Variants in STAU1 observed in about 807,000 individuals in gnomAD.
STAU1 encodes the protein double-stranded RNA-binding protein Staufen homolog 1.
STAU1 carries 13 observed loss-of-function variants against 62.9 expected under a neutral mutation model. The ratio of observed to expected loss-of-function variants is 0.21; its 90% CI spans 0.13 to 0.33. The LOEUF is 0.33. Among genes scored for constraint, STAU1 ranks in the 10% least tolerant of loss-of-function variants. The pLI is 1.00. For synonymous variants in STAU1, 269 were observed against 265.1 expected (o/e 1.01, Z -0.14); for missense variants, 571 against 712.1 (o/e 0.80, Z 2.25).
chr20:49,144,157 T>C (rs747234369), intron 5 of STAU1, among the ~76,000 whole-genome samples: 14 of 152,238 alleles, frequency 9.2e-5, no homozygotes, highest in Non-Finnish European at 1.6e-4. Context: ...CATTTTTATA[T>C]CTATTTTCTT....
At chr20:49,181,433 AC>A (rs1160875529) in intron 1 of STAU1, among the ~76,000 whole-genome samples, 3 of 152,070 alleles carry the variant, frequency 2.0e-5, no homozygotes, top group Non-Finnish European at 4.4e-5. Flanking sequence ...ACTAAAACCA[AC>A]CCACTCACTG....
chr20:49,142,760 T>C (rs556898980), intron 5 of STAU1, among the ~76,000 whole-genome samples: 8 of 152,076 alleles, frequency 5.3e-5, no homozygotes, highest in Non-Finnish European at 1.0e-4. Context: ...AAAATAAAAA[T>C]GCAAAAAAAC....
At chr20:49,133,253 A>G (rs1431949228) in intron 6 of STAU1, among the ~76,000 whole-genome samples, 1 of 152,222 alleles carries the variant, frequency 6.6e-6, no homozygotes, top group Non-Finnish European at 1.5e-5. Context: ...GCAATCTCTA[A>G]GTTTCCAGAA....
intron 2 of STAU1, among the ~76,000 whole-genome samples, chr20:49,168,984 T>A (rs2093563039): frequency 6.6e-6 from 1 of 150,708 alleles, no homozygotes; most frequent in Admixed American, 6.6e-5. Context: ...ACAGTCTCGC[T>A]CTGTTGCCTA....
intron 3 of STAU1, among the ~76,000 whole-genome samples, chr20:49,159,551 C>A (rs2093418399): frequency 6.6e-6 from 1 of 152,044 alleles, no homozygotes; most frequent in Non-Finnish European, 1.5e-5. Context: ...TGACTGACTT[C>A]TATTTTTATT....
At chr20:49,181,183 G>A (rs1203441036) in intron 1 of STAU1, among the ~76,000 whole-genome samples, 1 of 152,162 alleles carries the variant, frequency 6.6e-6, no homozygotes, top group Non-Finnish European at 1.5e-5. Flanking sequence ...TTCAAGGAAA[G>A]AGCTAAATGA....
intron 12 of STAU1, among the ~76,000 whole-genome samples, 199 bp downstream of exon 12, chr20:49,116,927 C>CAG: frequency 6.6e-6 from 1 of 152,138 alleles, no homozygotes; most frequent in South Asian, 2.1e-4. Context: ...CTGATGAGTT[C>CAG]TGATCAAGAG....
chr20:49,131,413 G>A (rs1207774771), intron 6 of STAU1, among the ~76,000 whole-genome samples: 3 of 152,130 alleles, frequency 2.0e-5, no homozygotes, highest in East Asian at 1.9e-4. Context: ...AATAGATTGT[G>A]GTTATTTAAG....
intron 2 of STAU1, among the ~76,000 whole-genome samples, chr20:49,171,052 T>C (rs1053961923): frequency 6.6e-6 from 1 of 152,246 alleles, no homozygotes; most frequent in Admixed American, 6.5e-5. Context: ...TTGCACATTC[T>C]TAAATGCTGG....
chr20:49,216,852 C>G, the STAU1 span, among the ~76,000 whole-genome samples: 1 of 152,176 alleles, frequency 6.6e-6, no homozygotes, highest in Non-Finnish European at 1.5e-5. Flanking sequence ...AAGACTTGCT[C>G]ATTCTTGGGC....
intron 2 of STAU1, among the ~76,000 whole-genome samples, chr20:49,173,290 T>C (rs551782884): frequency 1.8e-4 from 27 of 151,740 alleles, no homozygotes; most frequent in Non-Finnish European, 3.4e-4. Context: ...AAACCCTGTC[T>C]CTACTAAAAA....
intron 3 of STAU1, among the ~76,000 whole-genome samples, chr20:49,159,299 T>C (rs1256253414): frequency 6.6e-6 from 1 of 152,192 alleles, no homozygotes; most frequent in Non-Finnish European, 1.5e-5. Context: ...GTATACCACA[T>C]CTCTTGATTT....
At chr20:49,201,766 GA>G in the STAU1 span, among the ~76,000 whole-genome samples, 2 of 150,368 alleles carry the variant, frequency 1.3e-5, no homozygotes. Flanking sequence ...AAAAAATGGG[GA>G]GGGGGGAATA....
the STAU1 span, among the ~76,000 whole-genome samples, chr20:49,201,071 A>AAAGAAGAAGAAG: frequency 2.7e-3 from 286 of 104,486 alleles, 5 homozygotes; most frequent in South Asian, 0.018. Context: ...AAAAAAAAAA[A>AAAGAAGAAGAAG]AAGAAGAAGA....
At chr20:49,130,771 C>T (rs1051985262) in intron 6 of STAU1, among the ~76,000 whole-genome samples, 2 of 152,110 alleles carry the variant, frequency 1.3e-5, no homozygotes, top group South Asian at 2.1e-4. Flanking sequence ...GGTGTGGTGG[C>T]TCACGCCTGT....
the STAU1 span, among the ~76,000 whole-genome samples, chr20:49,217,297 C>T: frequency 6.6e-6 from 1 of 152,122 alleles, no homozygotes; most frequent in Non-Finnish European, 1.5e-5. Flanking sequence ...CATGCGCCCC[C>T]TGCTGGCAGA....
chr20:49,137,172 C>T (rs1160961371), intron 5 of STAU1, among the ~76,000 whole-genome samples: 5 of 152,090 alleles, frequency 3.3e-5, no homozygotes, highest in African/African-American at 9.7e-5. Context: ...CTCTCTATCT[C>T]TATAATTAAA....
intron 5 of STAU1, among the ~76,000 whole-genome samples, chr20:49,141,940 A>G (rs1426424296): frequency 1.3e-5 from 2 of 151,986 alleles, no homozygotes; most frequent in African/African-American, 4.8e-5. Flanking sequence ...TTATAAATCC[A>G]AACTTATAAG....
chr20:49,218,506 T>A, the STAU1 span, among the ~76,000 whole-genome samples: 1 of 151,698 alleles, frequency 6.6e-6, no homozygotes, highest in Admixed American at 6.6e-5. Flanking sequence ...ATTACAGGCG[T>A]GAGCCACCAC....
Sources: allele counts gnomAD v4.1 joint callset (sites outside exome capture counted in the v4.1 genomes callset), GRCh38; gene constraint gnomAD v4.1.1; transcripts MANE v1.5; gene names NCBI Gene and HGNC (gene_info 2026-07-23, HGNC 2026-07-21).